Variants in PDE11A observed in about 807,000 individuals in gnomAD.
PDE11A encodes dual 3',5'-cyclic-AMP and -GMP phosphodiesterase 11A.
In PDE11A, 100 loss-of-function variants were observed where a neutral mutation model predicts 100.5. That is an observed-to-expected ratio of 1.00 (90% confidence interval 0.85 to 1.18). The LOEUF (loss-of-function observed/expected upper bound fraction) is 1.18, where lower values mean the gene tolerates loss of function less well. PDE11A is among the 50% of genes most tolerant of loss of function. The pLI is 0.00. For missense variants in PDE11A, 1,141 were observed against 1,152.6 expected (o/e 0.99, Z 0.15); for synonymous variants, 381 against 420.8 (o/e 0.91, Z 1.16).
At chr2:177,724,018 T>C (rs2081566305) in intron 12 of PDE11A, among the ~76,000 whole-genome samples, 2 of 152,176 alleles carry the variant, frequency 1.3e-5, no homozygotes, top group Admixed American at 1.3e-4. Context: ...ATTTGTTCTA[T>C]AAACTTCTAT....
At chr2:178,107,711 C>CTTTTTTTTTT (rs772556248) in intron 1 of PDE11A, among the ~76,000 whole-genome samples, 1 of 142,654 alleles carries the variant, frequency 7.0e-6, no homozygotes. Flanking sequence ...TTAACAATTC[C>CTTTTTTTTTT]TTTTTTTTTC....
intron 4 of PDE11A, among the ~76,000 whole-genome samples, chr2:177,888,133 A>T (rs935519554): frequency 1.6e-4 from 24 of 152,262 alleles, no homozygotes; most frequent in African/African-American, 5.5e-4. Flanking sequence ...CAGAGTTTTC[A>T]TGGAATTTGC....
chr2:178,072,291 T>C lies in PDE11A; in HGVS notation c.147A>G (p.Leu49=), dbSNP rs34556327. The change falls in exon 1 of 20, where the codon TTA becomes TTG. Residue 49 remains leucine (L), a synonymous_variant. Coordinates refer to ENST00000286063, the MANE Select transcript of PDE11A (RefSeq NM_016953.4). ...TACCAGCCAAAGAGGGCCTTGGACC[T>C]AAAGCCCCCTGACCCTGACTGTGCC... ...LQRHSQGQGA[L]GPRPSLAGTS... is the part of the protein sequence containing the mutation. The C allele has an allele frequency of 1.6e-3, 2,532 of 1,613,910 alleles. 32 individuals carry two copies. The African/African-American group carries it at 0.029, about 18-fold the overall frequency.
chr2:177,986,572 C>T (rs1385019934), intron 2 of PDE11A, among the ~76,000 whole-genome samples: 5 of 152,104 alleles, frequency 3.3e-5, no homozygotes, highest in Non-Finnish European at 7.3e-5. Context: ...TGGCTCACGC[C>T]TGCAATCCCA....
chr2:177,923,208 G>T lies in PDE11A; in HGVS notation c.1072-18021C>A, dbSNP rs1311997506. On this transcript the variant is annotated intron_variant, in intron 2 of 19. Coordinates refer to ENST00000286063, the MANE Select transcript of PDE11A (RefSeq NM_016953.4). ...ATTTTTTTAAAAAATACAGGGTCTT[G>T]CTCTGCTGCCAAGGCTGGAGTGCAG... is the stretch of plus-strand genomic sequence containing the variant. Among the ~76,000 whole-genome samples the T allele has an allele frequency of 4.0e-5, 6 of 151,556 alleles. No homozygotes were observed. The East Asian group carries it at 1.2e-3, about 29-fold the overall frequency.
intron 4 of PDE11A, among the ~76,000 whole-genome samples, chr2:177,895,877 T>G (rs1306450001): frequency 6.6e-6 from 1 of 151,700 alleles, no homozygotes; most frequent in Non-Finnish European, 1.5e-5. Flanking sequence ...TATATACATG[T>G]ATCAAAACAT....
chr2:177,808,546 G>A (rs975680192), intron 9 of PDE11A, among the ~76,000 whole-genome samples: 1 of 152,184 alleles, frequency 6.6e-6, no homozygotes, highest in African/African-American at 2.4e-5. Flanking sequence ...TCTGAATTGT[G>A]TAAGAAAAGG....
chr2:177,887,261 A>C (rs1435687514), intron 4 of PDE11A, among the ~76,000 whole-genome samples: 1 of 152,186 alleles, frequency 6.6e-6, no homozygotes, highest in Non-Finnish European at 1.5e-5. Context: ...TAATTAATAC[A>C]AACAACTAAA....
At chr2:177,761,328 T>C (rs1194420296) in intron 10 of PDE11A, among the ~76,000 whole-genome samples, 1 of 152,130 alleles carries the variant, frequency 6.6e-6, no homozygotes, top group Admixed American at 6.5e-5. Flanking sequence ...TGGGGTGAAA[T>C]TGTCAGAAAT....
At chr2:177,822,903 C>T (rs769582043) in intron 6 of PDE11A, among the ~76,000 whole-genome samples, 3 of 151,942 alleles carry the variant, frequency 2.0e-5, no homozygotes, top group Non-Finnish European at 2.9e-5. Context: ...AAAATACAAT[C>T]GACTTTTTAA....
intron 9 of PDE11A, among the ~76,000 whole-genome samples, chr2:177,775,946 A>G (rs933787680): frequency 6.6e-6 from 1 of 152,220 alleles, no homozygotes; most frequent in African/African-American, 2.4e-5. Flanking sequence ...TTGGTCATGA[A>G]GGTATATCCT....
chr2:177,905,043 A>T, intron 3 of PDE11A, 55 bp downstream of exon 3: 1 of 933,820 alleles, frequency 1.1e-6, no homozygotes, highest in Non-Finnish European at 1.8e-6. Context: ...ATAATGACTT[A>T]CAGAAACCAG....
intron 2 of PDE11A, among the ~76,000 whole-genome samples, chr2:177,986,370 G>A (rs771970666): frequency 2.0e-5 from 3 of 151,914 alleles, no homozygotes; most frequent in Admixed American, 6.5e-5. Context: ...CCTTTTCACA[G>A]TCTCTGTGTG....
chr2:178,022,791 G>A (rs1476206434), intron 1 of PDE11A, among the ~76,000 whole-genome samples: 1 of 152,138 alleles, frequency 6.6e-6, no homozygotes, highest in Non-Finnish European at 1.5e-5. Context: ...AACAAGAAAT[G>A]ATCTACAACA....
intron 10 of PDE11A, among the ~76,000 whole-genome samples, chr2:177,738,872 C>T (rs13399953): frequency 2.6e-5 from 4 of 152,210 alleles, no homozygotes; most frequent in Admixed American, 6.5e-5. Context: ...CTGGAAACAT[C>T]GGCCTCTAGA....
chr2:177,819,872 C>G (rs2083107563), intron 7 of PDE11A, among the ~76,000 whole-genome samples: 1 of 143,438 alleles, frequency 7.0e-6, no homozygotes. Flanking sequence ...CTCTCTTTCT[C>G]TCTCTCTCTC....
At chr2:177,733,179 C>T (rs1215809749) in intron 10 of PDE11A, among the ~76,000 whole-genome samples, 1 of 152,210 alleles carries the variant, frequency 6.6e-6, no homozygotes, top group East Asian at 1.9e-4. Flanking sequence ...CAGTCTTCAA[C>T]TTTTCAATAT....
At chr2:177,910,488 C>T (rs947302988) in intron 2 of PDE11A, among the ~76,000 whole-genome samples, 1 of 151,788 alleles carries the variant, frequency 6.6e-6, no homozygotes, top group Admixed American at 6.6e-5. Flanking sequence ...TGCTATTCTG[C>T]TCTTTCTGAA....
At chr2:177,791,088 G>A (rs1286693120) in intron 9 of PDE11A, among the ~76,000 whole-genome samples, 3 of 152,134 alleles carry the variant, frequency 2.0e-5, no homozygotes, top group Non-Finnish European at 4.4e-5. Flanking sequence ...ACATGCACAT[G>A]TATGTTTATT....
Sources: allele counts gnomAD v4.1 joint callset (sites outside exome capture counted in the v4.1 genomes callset), GRCh38; gene constraint gnomAD v4.1.1; transcripts MANE v1.5; gene names NCBI Gene and HGNC (gene_info 2026-07-23, HGNC 2026-07-21).